The following KCNQ5 variants were observed in gnomAD, a reference collection of about 807,000 sequenced individuals.
The protein encoded by KCNQ5 is potassium voltage-gated channel subfamily Q member 5, also known as potassium voltage-gated channel subfamily KQT member 5.
In KCNQ5, 30 loss-of-function variants were observed where a neutral mutation model predicts 98.2. That is an observed-to-expected ratio of 0.31 (90% CI 0.23 to 0.41). The LOEUF is 0.41. Ranked by LOEUF, KCNQ5 falls within the 10% of genes least tolerant of loss-of-function variation. The probability of loss-of-function intolerance (pLI) is 1.00; values close to 1 mark genes in which losing one functional copy is unlikely to be tolerated. For missense variants in KCNQ5, 835 were observed against 1,182.5 expected, an observed-to-expected ratio of 0.71 and a Z score of 4.31; for synonymous variants, 458 against 449.4, an observed-to-expected ratio of 1.02 and a Z score of -0.24.
intron 1 of KCNQ5, among the ~76,000 whole-genome samples, chr6:72,737,751 C>A (rs1770922113): frequency 6.6e-6 from 1 of 152,024 alleles, no homozygotes; most frequent in South Asian, 2.1e-4. Context: ...TATCATAATA[C>A]TTATAGGTAA....
chr6:72,644,960 C>T (rs932223296), intron 1 of KCNQ5, among the ~76,000 whole-genome samples: 7 of 152,204 alleles, frequency 4.6e-5, no homozygotes, highest in Admixed American at 4.6e-4. Flanking sequence ...TTTACAAATG[C>T]TAAGTATGAC....
At chr6:72,680,484 G>A (rs773827452) in intron 1 of KCNQ5, among the ~76,000 whole-genome samples, 2 of 152,160 alleles carry the variant, frequency 1.3e-5, no homozygotes, top group African/African-American at 2.4e-5. Flanking sequence ...TGAAGAGTAG[G>A]AGCAGGAATA....
chr6:73,088,684 T>C (rs1305688312), intron 5 of KCNQ5, among the ~76,000 whole-genome samples: 2 of 152,198 alleles, frequency 1.3e-5, no homozygotes, highest in African/African-American at 4.8e-5. Flanking sequence ...CATTTCTGCA[T>C]TAGTCATACT....
intron 1 of KCNQ5, among the ~76,000 whole-genome samples, chr6:72,629,641 G>A (rs896899957): frequency 5.9e-5 from 9 of 152,156 alleles, no homozygotes; most frequent in African/African-American, 1.9e-4. Context: ...ATTTTTAATT[G>A]CAAATGGCTA....
intron 1 of KCNQ5, among the ~76,000 whole-genome samples, chr6:72,760,840 A>C (rs958901018): frequency 6.6e-6 from 1 of 152,012 alleles, no homozygotes; most frequent in African/African-American, 2.4e-5. Context: ...TTAATAAAAA[A>C]TTTTCGCAAG....
At chr6:73,097,127 C>A (rs1774538028) in intron 5 of KCNQ5, among the ~76,000 whole-genome samples, 2 of 56,732 alleles carry the variant, frequency 3.5e-5, no homozygotes, top group East Asian at 1.1e-3. Context: ...ATTCACCACA[C>A]TGTGCAATAG....
At chr6:72,968,663 A>G (rs1186613441) in intron 1 of KCNQ5, among the ~76,000 whole-genome samples, 2 of 152,252 alleles carry the variant, frequency 1.3e-5, no homozygotes, top group Admixed American at 6.5e-5. Context: ...CTTATAATCC[A>G]GAGATATTCT....
chr6:72,935,538 C>T (rs977185438), intron 1 of KCNQ5, among the ~76,000 whole-genome samples: 1 of 152,184 alleles, frequency 6.6e-6, no homozygotes, highest in Non-Finnish European at 1.5e-5. Flanking sequence ...CAAATCTTCT[C>T]TTCTTTGCAT....
intron 2 of KCNQ5, among the ~76,000 whole-genome samples, chr6:73,010,935 CA>C: frequency 1.3e-5 from 2 of 151,986 alleles, no homozygotes; most frequent in East Asian, 3.9e-4. Context: ...ATATTGTTAA[CA>C]TGTCCAAAGT....
chr6:73,066,763 C>T (rs1485879158), intron 3 of KCNQ5, among the ~76,000 whole-genome samples: 4 of 152,146 alleles, frequency 2.6e-5, no homozygotes, highest in African/African-American at 4.8e-5. Context: ...TTAAACTAGG[C>T]ATAGTTCAAT....
At chr6:72,902,555 G>T (rs539173721) in intron 1 of KCNQ5, among the ~76,000 whole-genome samples, 16 of 152,056 alleles carry the variant, frequency 1.1e-4, no homozygotes, top group Non-Finnish European at 2.2e-4. Flanking sequence ...TCATAAAGAG[G>T]TGCTGGATTT....
chr6:72,800,493 G>C (rs1367943502), intron 1 of KCNQ5, among the ~76,000 whole-genome samples: 1 of 152,032 alleles, frequency 6.6e-6, no homozygotes, highest in Non-Finnish European at 1.5e-5. Flanking sequence ...AGTTTTTATT[G>C]CATCTATTTG....
chr6:72,710,098 G>C (rs1769288849), intron 1 of KCNQ5, among the ~76,000 whole-genome samples: 1 of 152,126 alleles, frequency 6.6e-6, no homozygotes, highest in Non-Finnish European at 1.5e-5. Flanking sequence ...AAAAGGCCTG[G>C]TCTTCTACAT....
At chr6:73,110,510 G>A (rs1442153654) in intron 6 of KCNQ5, among the ~76,000 whole-genome samples, 1 of 152,036 alleles carries the variant, frequency 6.6e-6, no homozygotes, top group East Asian at 1.9e-4. Context: ...ACCTAGAAGG[G>A]AATACTAATC....
intron 2 of KCNQ5, among the ~76,000 whole-genome samples, chr6:73,025,930 G>A (rs544481858): frequency 2.1e-4 from 32 of 152,220 alleles, no homozygotes; most frequent in African/African-American, 5.3e-4. Flanking sequence ...ATGGAAAATC[G>A]TCTAATGAGG....
At chr6:72,765,823 T>C (rs1201619578) in intron 1 of KCNQ5, among the ~76,000 whole-genome samples, 1 of 151,962 alleles carries the variant, frequency 6.6e-6, no homozygotes, top group African/African-American at 2.4e-5. Context: ...AGACTGTAGG[T>C]AGGAAACAAG....
At chr6:72,888,511 A>G (rs1778934197) in intron 1 of KCNQ5, among the ~76,000 whole-genome samples, 1 of 152,144 alleles carries the variant, frequency 6.6e-6, no homozygotes, top group Admixed American at 6.5e-5. Context: ...TCATAGTCAA[A>G]TTTTACTTTG....
chr6:72,864,572 CA>C (rs1777902496), intron 1 of KCNQ5, among the ~76,000 whole-genome samples: 7 of 152,108 alleles, frequency 4.6e-5, no homozygotes, highest in Admixed American at 4.6e-4. Context: ...AAAATGTTAG[CA>C]GTAGCCAAAG....
intron 5 of KCNQ5, among the ~76,000 whole-genome samples, chr6:73,100,414 C>T (rs1214954381): frequency 1.3e-5 from 2 of 152,122 alleles, no homozygotes; most frequent in Non-Finnish European, 2.9e-5. Context: ...CGCCTGTAAT[C>T]CCAGCACTTT....
Sources: allele counts gnomAD v4.1 joint callset (sites outside exome capture counted in the v4.1 genomes callset), GRCh38; gene constraint gnomAD v4.1.1; transcripts MANE v1.5; gene names NCBI Gene and HGNC (gene_info 2026-07-23, HGNC 2026-07-21).